The following FBXW11 variants were observed in gnomAD, a reference collection of about 807,000 sequenced individuals.
FBXW11 encodes the protein F-box/WD repeat-containing protein 11.
FBXW11 carries 19 observed loss-of-function variants against 77.6 expected under a neutral mutation model. The ratio of observed to expected loss-of-function variants is 0.24; its 90% confidence interval spans 0.17 to 0.36. The LOEUF (loss-of-function observed/expected upper bound fraction) is 0.36. Ranked by LOEUF, FBXW11 falls within the 10% of genes least tolerant of loss-of-function variation. The probability of loss-of-function intolerance (pLI) is 1.00; values close to 1 mark genes in which losing one functional copy is unlikely to be tolerated. For missense variants in FBXW11, 334 were observed against 704.2 expected (o/e 0.47, Z 5.95); for synonymous variants, 235 against 249.4 (o/e 0.94, Z 0.54).
Position 171,881,626 on chromosome 5 carries a change from A to G in FBXW11, c.853-3497T>C, listed in dbSNP as rs72835255. Among the ~76,000 whole-genome samples the G allele has an allele frequency of 7.0e-3, 1,067 of 152,330 alleles. 9 individuals carry two copies. The highest frequency in any genetic ancestry group is 0.061 in the Middle Eastern group (18 of 294). On this transcript the variant is annotated intron_variant, in intron 7 of 13. Transcript: ENST00000517395. ...GTGATGAAATATTCTCTCTTCTTCT[A>G]TCTTCTGGAAGAGATTGTAGAGAAC...
At chr5:171,866,473 A>C (rs889357713) in intron 13 of FBXW11, among the ~76,000 whole-genome samples, 10 of 152,156 alleles carry the variant, frequency 6.6e-5, no homozygotes. Context: ...TGAGGTTTCC[A>C]AAAAAGGTAG....
chr5:171,895,395 T>C (rs926758561), intron 6 of FBXW11, among the ~76,000 whole-genome samples: 2 of 152,122 alleles, frequency 1.3e-5, no homozygotes, highest in Non-Finnish European at 2.9e-5. Context: ...GTTTTGACAT[T>C]TTCTGGTCAG....
intron 1 of FBXW11, among the ~76,000 whole-genome samples, chr5:172,000,628 G>A (rs573269797): frequency 6.6e-6 from 1 of 152,316 alleles, no homozygotes; most frequent in Non-Finnish European, 1.5e-5. Context: ...TCGCTTTAGG[G>A]TCCCTGTACT....
At position 171,861,550 on chromosome 5, in the gene FBXW11, C is replaced by CA. The variant is rs200078099; in HGVS notation, c.*2576dup. On this transcript the variant is annotated 3_prime_UTR_variant, in exon 14 of 14. Transcript: ENST00000517395. ...TTTGAAAAATTTCTTAACAGAACGT[C>CA]AGAGTATTGCAACACTTTATTAAGA... 0.011 allele frequency: 1,683 copies of CA among 152,700 alleles called. 19 individuals are homozygous for CA. The highest frequency in any genetic ancestry group is 0.019 in the Non-Finnish European group (1,325 of 68,026). 9.5% of individuals were successfully genotyped at this position (152,700 alleles called of 1,614,324 possible). A position where few individuals can be genotyped will look rare whatever the true frequency, so the allele number is the denominator to read the frequency against.
chr5:171,939,696 C>CAAAAAAAAA (rs58051402), intron 2 of FBXW11, among the ~76,000 whole-genome samples: 3 of 80,056 alleles, frequency 3.7e-5, no homozygotes, highest in Non-Finnish European at 5.1e-5. Context: ...GACCCTGTCT[C>CAAAAAAAAA]AAAAAAAAAA....
chr5:171,943,257 A>G (rs1762838947), intron 2 of FBXW11, among the ~76,000 whole-genome samples: 1 of 152,232 alleles, frequency 6.6e-6, no homozygotes, highest in Non-Finnish European at 1.5e-5. Flanking sequence ...AGTAGGACTC[A>G]GAACCATGGT....
chr5:171,868,835 T>C (rs908994889), intron 12 of FBXW11, 39 bp from the exon 13 acceptor site: 28 of 1,577,052 alleles, frequency 1.8e-5, no homozygotes, highest in Non-Finnish European at 2.3e-5. Flanking sequence ...ATGAGATCTT[T>C]ACAGCCCCTG....
intron 1 of FBXW11, among the ~76,000 whole-genome samples, chr5:171,964,887 A>G (rs551403521): frequency 6.6e-5 from 10 of 152,352 alleles, no homozygotes; most frequent in African/African-American, 2.4e-4. Flanking sequence ...TTGATAGTAA[A>G]CATGTGACAT....
rs1757162992 is a variant in FBXW11 at position 171,862,710 on chromosome 5, A to T, written c.*1417T>A. On this transcript the variant is annotated 3_prime_UTR_variant, in exon 14 of 14. Transcript: ENST00000517395. ...GAGAACCTGCTGGGGCCACAGCAGC[A>T]GCTGACACCAGAGATGACTGGGGTG... 1 of 152,598 alleles carries T rather than the reference A, an allele frequency of 6.6e-6. No homozygotes were observed. Among genetic ancestry groups the T allele is most frequent in the South Asian group, 2.1e-4 (1 of 4,834 alleles). 9.5% of individuals were successfully genotyped at this position (152,598 alleles called of 1,614,324 possible).
chr5:171,933,852 T>A (rs1188399967), intron 2 of FBXW11, among the ~76,000 whole-genome samples: 1 of 148,878 alleles, frequency 6.7e-6, no homozygotes, highest in Non-Finnish European at 1.5e-5. Context: ...TTCATCTATT[T>A]AAAAAAAAAA....
At chr5:171,912,743 C>T (rs1044673146) in intron 3 of FBXW11, among the ~76,000 whole-genome samples, 2 of 151,880 alleles carry the variant, frequency 1.3e-5, no homozygotes, top group African/African-American at 2.4e-5. Context: ...CCTGTCTCTA[C>T]TAAAAATACA....
intron 2 of FBXW11, among the ~76,000 whole-genome samples, chr5:171,955,026 T>C (rs1047795405): frequency 3.9e-5 from 6 of 152,112 alleles, no homozygotes; most frequent in East Asian, 3.8e-4. Flanking sequence ...TATCAGAAAA[T>C]TGGAGATAAG....
At chr5:171,892,634 C>A (rs1759431696) in intron 6 of FBXW11, among the ~76,000 whole-genome samples, 1 of 152,168 alleles carries the variant, frequency 6.6e-6, no homozygotes, top group Non-Finnish European at 1.5e-5. Flanking sequence ...GCCTGAGACA[C>A]TGGGACAAGT....
chr5:171,977,729 G>A (rs1033205116), intron 1 of FBXW11: 30 of 384,486 alleles, frequency 7.8e-5, no homozygotes, highest in African/African-American at 6.5e-4. Context: ...CAAAGAGAGA[G>A]AAGCTTGTGC....
intron 2 of FBXW11, among the ~76,000 whole-genome samples, chr5:171,953,677 A>G (rs1382541929): frequency 6.6e-6 from 1 of 152,300 alleles, no homozygotes; most frequent in South Asian, 2.1e-4. Flanking sequence ...CTACCTCATA[A>G]AAACCCTTTA....
chr5:171,901,360 A>G (rs1449879170), intron 4 of FBXW11, among the ~76,000 whole-genome samples: 2 of 152,236 alleles, frequency 1.3e-5, no homozygotes, highest in Non-Finnish European at 2.9e-5. Flanking sequence ...CAGTTTCCTC[A>G]TCTGTATAAG....
intron 4 of FBXW11, among the ~76,000 whole-genome samples, chr5:171,906,442 A>G (rs1760528775): frequency 6.6e-6 from 1 of 152,234 alleles, no homozygotes; most frequent in Admixed American, 6.5e-5. Context: ...CCCAGGAAAC[A>G]AAACAACAAA....
intron 1 of FBXW11, among the ~76,000 whole-genome samples, chr5:171,971,585 T>C (rs930062957): frequency 6.6e-6 from 1 of 152,128 alleles, no homozygotes; most frequent in African/African-American, 2.4e-5. Context: ...TTTCTGTATA[T>C]GTTACCAGCA....
chr5:171,908,948 G>T (rs937973046), intron 4 of FBXW11: 1 of 152,228 alleles, frequency 6.6e-6, no homozygotes, highest in Admixed American at 6.5e-5. Context: ...TAGGGTTGTG[G>T]TAATGGTACT....
Sources: allele counts gnomAD v4.1 joint callset (sites outside exome capture counted in the v4.1 genomes callset), GRCh38; gene constraint gnomAD v4.1.1; transcripts MANE v1.5; gene names NCBI Gene and HGNC (gene_info 2026-07-23, HGNC 2026-07-21).